Variants in FLT1 observed in about 807,000 individuals in gnomAD.
FLT1 encodes vascular endothelial growth factor receptor 1.
In FLT1, 49 loss-of-function variants were observed where a neutral mutation model predicts 156.3. The ratio of observed to expected loss-of-function variants is 0.31; its 90% CI spans 0.25 to 0.40. FLT1 has a LOEUF of 0.40. FLT1 is among the 10% of genes least tolerant of loss of function. The probability of loss-of-function intolerance (pLI) is 1.00; values close to 1 mark genes in which losing one functional copy is unlikely to be tolerated. For synonymous variants in FLT1, 594 were observed against 583.8 expected (o/e 1.02, Z -0.25); for missense variants, 1,322 against 1,637.2 (o/e 0.81, Z 3.32).
At chr13:28,474,474 AAAC>A (rs1880426107) in intron 1 of FLT1, among the ~76,000 whole-genome samples, 3 of 148,028 alleles carry the variant, frequency 2.0e-5, no homozygotes, top group South Asian at 4.3e-4. Context: ...AAACAAAACA[AAAC>A]AACCACAGAC....
chr13:28,411,440 G>A (rs1423673780), intron 10 of FLT1, among the ~76,000 whole-genome samples: 1 of 151,502 alleles, frequency 6.6e-6, no homozygotes, highest in Non-Finnish European at 1.5e-5. Context: ...CAGCTACTGG[G>A]GAGGCTGAGG....
At chr13:28,446,875 G>A (rs750655766) in intron 3 of FLT1, among the ~76,000 whole-genome samples, 12 of 152,192 alleles carry the variant, frequency 7.9e-5, no homozygotes, top group South Asian at 4.2e-4. Flanking sequence ...TTGGAAGACC[G>A]CACTCCACAT....
At chr13:28,413,768 G>C (rs987140138) in intron 10 of FLT1, among the ~76,000 whole-genome samples, 1 of 152,162 alleles carries the variant, frequency 6.6e-6, no homozygotes, top group Non-Finnish European at 1.5e-5. Context: ...TTATTTAGTG[G>C]TCAATACTGA....
intron 11 of FLT1, among the ~76,000 whole-genome samples, chr13:28,399,417 C>T (rs1262239378): frequency 1.3e-5 from 2 of 152,128 alleles, no homozygotes; most frequent in East Asian, 3.8e-4. Context: ...CAGCATTTAT[C>T]TGCATCTATG....
intron 10 of FLT1, among the ~76,000 whole-genome samples, chr13:28,421,916 A>T (rs951783556): frequency 1.3e-5 from 2 of 152,240 alleles, no homozygotes; most frequent in Non-Finnish European, 2.9e-5. Flanking sequence ...GTCACACAGA[A>T]GTCAGGGACG....
intron 3 of FLT1, among the ~76,000 whole-genome samples, chr13:28,466,173 T>C (rs1201388739): frequency 6.6e-6 from 1 of 152,180 alleles, no homozygotes; most frequent in South Asian, 2.1e-4. Flanking sequence ...GGGTTCCAAT[T>C]TTACTGTGAG....
intron 3 of FLT1, among the ~76,000 whole-genome samples, chr13:28,457,561 A>C (rs1879334550): frequency 6.6e-6 from 1 of 152,232 alleles, no homozygotes; most frequent in Non-Finnish European, 1.5e-5. Flanking sequence ...CAAATGACAC[A>C]CAACAAATAT....
At chr13:28,383,643 CAG>C (rs1346225949) in intron 14 of FLT1, among the ~76,000 whole-genome samples, 1 of 150,194 alleles carries the variant, frequency 6.7e-6, no homozygotes, top group East Asian at 2.0e-4. Flanking sequence ...GCCTGGGCGA[CAG>C]AGCGAGACTC....
At chr13:28,370,901 G>T (rs763558302) in intron 14 of FLT1, among the ~76,000 whole-genome samples, 1 of 152,116 alleles carries the variant, frequency 6.6e-6, no homozygotes, top group East Asian at 1.9e-4. Context: ...ATGAAGTAGC[G>T]ACTCTAATGA....
intron 14 of FLT1, among the ~76,000 whole-genome samples, chr13:28,365,763 G>C (rs1873269908): frequency 6.6e-6 from 1 of 152,150 alleles, no homozygotes; most frequent in South Asian, 2.1e-4. Flanking sequence ...GTGCTTGTTT[G>C]TGTATTTCCT....
intron 11 of FLT1, among the ~76,000 whole-genome samples, chr13:28,398,462 C>CAA (rs1875200808): frequency 2.0e-5 from 3 of 152,184 alleles, no homozygotes; most frequent in African/African-American, 7.2e-5. Context: ...GTTGTGTTCT[C>CAA]TTATCCCATC....
chr13:28,481,442 T>C (rs904464543), intron 1 of FLT1, among the ~76,000 whole-genome samples: 7 of 142,566 alleles, frequency 4.9e-5, no homozygotes, highest in East Asian at 2.0e-4. Flanking sequence ...CCTCCGCTTA[T>C]ACACACACAC....
chr13:28,414,155 G>T (rs562514528), intron 10 of FLT1, among the ~76,000 whole-genome samples: 1 of 152,192 alleles, frequency 6.6e-6, no homozygotes, highest in Non-Finnish European at 1.5e-5. Flanking sequence ...GTCCCGCAGC[G>T]TATGAGAGAA....
chr13:28,345,807 T>C, intron 15 of FLT1: 2 of 390,972 alleles, frequency 5.1e-6, no homozygotes, highest in Non-Finnish European at 4.7e-6. Flanking sequence ...GAAATTTTGC[T>C]GTCAAGTTTG....
intron 14 of FLT1, among the ~76,000 whole-genome samples, chr13:28,378,197 C>A (rs544341103): frequency 1.2e-3 from 182 of 151,982 alleles, no homozygotes; most frequent in African/African-American, 4.1e-3. Context: ...TATCAGCATG[C>A]GCCACCATGC....
At chr13:28,458,758 C>T (rs539245361) in intron 3 of FLT1, among the ~76,000 whole-genome samples, 2 of 152,184 alleles carry the variant, frequency 1.3e-5, no homozygotes, top group East Asian at 3.8e-4. Context: ...CCAATTTCCA[C>T]GTAGCTGGAA....
At chr13:28,368,605 T>C (rs751282293) in intron 14 of FLT1, 1 of 1,444,418 alleles carries the variant, frequency 6.9e-7, no homozygotes, top group South Asian at 1.2e-5. Context: ...ATGACGATGA[T>C]GATGATGATG....
At chr13:28,447,356 A>T (rs934282979) in intron 3 of FLT1, among the ~76,000 whole-genome samples, 22 of 149,982 alleles carry the variant, frequency 1.5e-4, no homozygotes, top group African/African-American at 4.7e-4. Flanking sequence ...TTTTTTTTTA[A>T]AAATTTTTTT....
intron 20 of FLT1, among the ~76,000 whole-genome samples, chr13:28,324,098 G>T (rs1252517101): frequency 6.6e-6 from 1 of 152,274 alleles, no homozygotes; most frequent in African/African-American, 2.4e-5. Context: ...GAAAGGAGTT[G>T]TCAGTTCTGG....
Sources: gnomAD v4.1 joint callset for allele counts (sites outside exome capture counted in the v4.1 genomes callset) on GRCh38, gnomAD v4.1.1 for gene constraint, MANE v1.5 for transcripts, NCBI Gene and HGNC (gene_info 2026-07-23, HGNC 2026-07-21) for gene names.